Variants in GTPBP4 observed in about 807,000 individuals in gnomAD.
GTPBP4 encodes the protein GTP-binding protein 4.
A neutral mutation model predicts 81.7 loss-of-function variants in GTPBP4; 15 were observed. The ratio of observed to expected loss-of-function variants is 0.18; its 90% confidence interval spans 0.12 to 0.28. The LOEUF is 0.28. GTPBP4 is among the 10% of genes least tolerant of loss of function. The pLI is 1.00. For synonymous variants in GTPBP4, 272 were observed against 274.6 expected (o/e 0.99, Z 0.09); for missense variants, 847 against 793.8 (o/e 1.07, Z -0.81).
intron 8 of GTPBP4, among the ~76,000 whole-genome samples, chr10:1,002,193 G>A (rs1738964581): frequency 6.6e-6 from 1 of 152,126 alleles, no homozygotes; most frequent in Admixed American, 6.5e-5. Flanking sequence ...AGAGTGTTGG[G>A]ATTATAGGCG....
At chr10:990,133 A>G (rs1831416577) in intron 1 of GTPBP4, among the ~76,000 whole-genome samples, 1 of 152,208 alleles carries the variant, frequency 6.6e-6, no homozygotes, top group Non-Finnish European at 1.5e-5. Flanking sequence ...TTTGGATTAT[A>G]TGAACTTTGT....
Position 1,018,329 on chromosome 10 carries a change from G to T in GTPBP4, c.*1102G>T, listed in dbSNP as rs2132179517. 1 of 152,046 alleles carries T rather than the reference G, an allele frequency of 6.6e-6. No individual in the cohort carries two copies. Among genetic ancestry groups the T allele is most frequent in the African/African-American group, 2.4e-5 (1 of 41,418 alleles). 9.4% of individuals were successfully genotyped at this position (152,046 alleles called of 1,614,324 possible). ...AATCCTAGCTGCTCGGGAGGCTAAG[G>T]CAGGAGAATTGCTTGAGCCCAGAGG... On this transcript the variant is annotated 3_prime_UTR_variant, in exon 17 of 17. Transcript: ENST00000360803.
intron 8 of GTPBP4, among the ~76,000 whole-genome samples, chr10:1,004,366 G>C (rs1038035832): frequency 1.3e-5 from 2 of 152,074 alleles, no homozygotes; most frequent in African/African-American, 4.8e-5. Context: ...GGTTAGTCCA[G>C]CTCCAGGGAG....
Position 996,251 on chromosome 10 carries a change from C to A in GTPBP4, c.460+9C>A. ...GGAGTATTTGGAGCAAGGTGCTTGTCACGCATCCGCGGGAACCGTGCTAGC... is the reference window on the plus strand; with the variant it reads ...GGAGTATTTGGAGCAAGGTGCTTGTAACGCATCCGCGGGAACCGTGCTAGC... On this transcript the variant is annotated intron_variant, in intron 4 of 16. Coordinates refer to ENST00000360803, the MANE Select transcript of GTPBP4 (RefSeq NM_012341.3). The A allele has an allele frequency of 6.2e-7, 1 of 1,608,550 alleles. No homozygotes were observed. Among genetic ancestry groups the A allele is most frequent in the South Asian group, 1.1e-5 (1 of 90,506 alleles).
intron 1 of GTPBP4, among the ~76,000 whole-genome samples, chr10:989,492 C>T (rs928440299): frequency 6.6e-6 from 1 of 152,172 alleles, no homozygotes. Context: ...CAGACATTGA[C>T]GGGCAACTGG....
At chr10:988,619 T>A (rs1234651480) in intron 1 of GTPBP4, 92 bp downstream of exon 1, 1 of 964,886 alleles carries the variant, frequency 1.0e-6, no homozygotes, top group Non-Finnish European at 1.6e-6. Flanking sequence ...GGGAGAGCGG[T>A]CGCCTTCCGC....
At chr10:1,012,752 A>G in intron 14 of GTPBP4, 90 bp downstream of exon 14, 1 of 813,076 alleles carries the variant, frequency 1.2e-6, no homozygotes, top group Non-Finnish European at 2.0e-6. Context: ...TTTTCAACCC[A>G]TTTATGGCCA....
chr10:1,010,606 C>T, intron 13 of GTPBP4, 86 bp downstream of exon 13: 2 of 801,252 alleles, frequency 2.5e-6, no homozygotes, highest in South Asian at 1.4e-5. Context: ...TTCGGCTCAG[C>T]TGGGCCTGTC....
intron 9 of GTPBP4, among the ~76,000 whole-genome samples, 164 bp downstream of exon 9, chr10:1,006,071 T>TAGAAG (rs1295867530): frequency 6.6e-6 from 1 of 152,212 alleles, no homozygotes; most frequent in Non-Finnish European, 1.5e-5. Flanking sequence ...AGACAGACCC[T>TAGAAG]TCTAAGACCC....
intron 1 of GTPBP4, among the ~76,000 whole-genome samples, chr10:990,318 A>G (rs1248296693): frequency 1.3e-5 from 2 of 152,068 alleles, no homozygotes; most frequent in African/African-American, 2.4e-5. Flanking sequence ...AAAGTGTGGT[A>G]TTCAGTTCAT....
At chr10:1,012,270 G>A (rs965672379) in intron 13 of GTPBP4, 195 bp from the exon 14 acceptor site, 5 of 435,994 alleles carry the variant, frequency 1.1e-5, no homozygotes, top group African/African-American at 2.0e-5. Context: ...TGGCGTTCAC[G>A]TGGTCTCCAT....
In GTPBP4 at chr10:1,019,532, T is replaced by G. The variant is rs1235127260; in HGVS notation, c.*2305T>G. ...TCCCTGCCTCTCACACTCTGTGTAT[T>G]TTGTGAAGCTCCACAAACGGGGTCA... On this transcript the variant is annotated 3_prime_UTR_variant, in exon 17 of 17. Transcript: ENST00000360803. The G allele has an allele frequency of 6.2e-7, 1 of 1,612,974 alleles. No homozygotes were observed. Among genetic ancestry groups the G allele is most frequent in the Non-Finnish European group, 8.5e-7 (1 of 1,179,204 alleles).
At chr10:1,008,025 T>C (rs746378154) in intron 10 of GTPBP4, 1 of 497,710 alleles carries the variant, frequency 2.0e-6, no homozygotes, top group East Asian at 5.6e-5. Flanking sequence ...CTGTACATTT[T>C]TGAACTATTA....
chr10:1,007,010 G>GT lies in GTPBP4; in HGVS notation c.1003-6dup. 6.3e-7 allele frequency: 1 copy of GT among 1,576,832 alleles called. No individual in the cohort carries two copies. On this transcript the variant is annotated splice_polypyrimidine_tract_variant and splice_region_variant and intron_variant, in intron 9 of 16. Coordinates refer to ENST00000360803, the MANE Select transcript of GTPBP4 (RefSeq NM_012341.3). The stretch of plus-strand genomic sequence containing the variant: ...TTTGTGACTGTGCCTTCTTTTTTAC[G>GT]TTATTAGGCTTGCGATAGGCTTTTG...
chr10:1,019,636 C>T lies in GTPBP4; in HGVS notation c.*2409C>T. 1 of 1,613,972 alleles carries T rather than the reference C, an allele frequency of 6.2e-7. No homozygotes were observed. The highest frequency in any genetic ancestry group is 8.5e-7 in the Non-Finnish European group (1 of 1,180,012). On this transcript the variant is annotated 3_prime_UTR_variant, in exon 17 of 17. Transcript: ENST00000360803. Reference sequence around the variant, plus strand: ...AGCCAGGGGGTGACTTTGACTTCACCCCTCGCCTCCCTCTCCAGCAGCTCC... The same window carrying T: ...AGCCAGGGGGTGACTTTGACTTCACTCCTCGCCTCCCTCTCCAGCAGCTCC...
At chr10:996,480 CA>C (rs1831539867) in intron 4 of GTPBP4, 1 of 321,192 alleles carries the variant, frequency 3.1e-6, no homozygotes, top group Non-Finnish European at 5.6e-6. Flanking sequence ...AAGGCATACA[CA>C]AAAAAGTCAC....
Position 996,122 on chromosome 10 carries a change from G to C in GTPBP4, c.340G>C (p.Val114Leu). Residue 114 changes from valine to leucine, a missense_variant, in exon 4 of 17, where the codon GTG (valine) becomes CTG (leucine). Coordinates refer to ENST00000360803, the MANE Select transcript of GTPBP4 (RefSeq NM_012341.3). ...TTTTTACAGTGTTGCTAAAGATTAT[G>C]TGCGACTGATGAAGTATGGCGACTC... ...NLVDNVAKDY[V>L]RLMKYGDSLY... is the part of the protein sequence containing the mutation. 6.2e-7 allele frequency: 1 copy of C among 1,607,534 alleles called. No individual in the cohort carries two copies. Among genetic ancestry groups the C allele is most frequent in the African/African-American group, 1.3e-5 (1 of 74,780 alleles).
chr10:991,786 C>T lies in GTPBP4; in HGVS notation c.49-703C>T, dbSNP rs2132154205. Among the ~76,000 whole-genome samples the T allele has an allele frequency of 2.0e-5, 3 of 148,078 alleles. No homozygotes were observed. The Middle Eastern group carries it at 0.01, about 514-fold the overall frequency. On this transcript the variant is annotated intron_variant, in intron 1 of 16. Coordinates refer to ENST00000360803, the MANE Select transcript of GTPBP4 (RefSeq NM_012341.3). ...TCTCGGCTCACTGCAAGCTCCGCCT[C>T]CCGGGTTCACGCCATTCTCCTGCCT...
Position 1,017,315 on chromosome 10 carries a change from TA to T in GTPBP4, c.*89del, listed in dbSNP as rs1457914440. On this transcript the variant is annotated 3_prime_UTR_variant, in exon 17 of 17. Coordinates refer to ENST00000360803, the MANE Select transcript of GTPBP4 (RefSeq NM_012341.3). ...ATGGTTTCATGAAATTGGAGCTCTG[TA>T]TAAACTGAAAAAGACAAAATAAGTA... is the stretch of plus-strand genomic sequence containing the variant. 1.4e-5 allele frequency: 17 copies of T among 1,222,294 alleles called. No individual in the cohort carries two copies. Among genetic ancestry groups the T allele is most frequent in the Non-Finnish European group, 2.0e-5 (17 of 860,904 alleles). The allele number at this position is 1,222,294 out of a possible 1,614,324, so 75.7% of individuals were successfully genotyped here.
Sources: allele counts gnomAD v4.1 joint callset (sites outside exome capture counted in the v4.1 genomes callset), GRCh38; gene constraint gnomAD v4.1.1; transcripts MANE v1.5; gene names NCBI Gene and HGNC (gene_info 2026-07-23, HGNC 2026-07-21).